ATP2C1: variants seen among roughly 807,000 people sequenced by gnomAD.
The protein encoded by ATP2C1 is ATPase secretory pathway Ca2+ transporting 1, also known as calcium-transporting ATPase type 2C member 1.
ATP2C1 carries 31 observed loss-of-function variants against 120.5 expected under a neutral mutation model. The ratio of observed to expected loss-of-function variants is 0.26; its 90% CI spans 0.19 to 0.35. The LOEUF is 0.35. Ranked by LOEUF, ATP2C1 falls within the 10% of genes least tolerant of loss-of-function variation. The pLI is 1.00. For missense variants in ATP2C1, 731 were observed against 1,107.5 expected, an observed-to-expected ratio of 0.66 and a Z score of 4.83; for synonymous variants, 351 against 358.7, an observed-to-expected ratio of 0.98 and a Z score of 0.24.
At chr3:130,975,215 T>G in intron 17 of ATP2C1, 117 bp from the exon 18 acceptor site, 1 of 1,021,488 alleles carries the variant, frequency 9.8e-7, no homozygotes, top group East Asian at 2.4e-5. Context: ...GTCAAAACCT[T>G]AGGCTTGAGT....
chr3:130,987,903 T>C (rs1239473774), intron 20 of ATP2C1, among the ~76,000 whole-genome samples: 1 of 152,252 alleles, frequency 6.6e-6, no homozygotes, highest in Non-Finnish European at 1.5e-5. Flanking sequence ...TTGCTTGTTA[T>C]TAAGTCATCT....
At chr3:130,873,167 A>T (rs2068489447) in intron 1 of ATP2C1, among the ~76,000 whole-genome samples, 1 of 152,226 alleles carries the variant, frequency 6.6e-6, no homozygotes, top group South Asian at 2.1e-4. Flanking sequence ...AATTTAACAA[A>T]CAAAATGATA....
chr3:131,000,237 A>G (rs1326992064), intron 27 of ATP2C1, among the ~76,000 whole-genome samples: 1 of 152,194 alleles, frequency 6.6e-6, no homozygotes, highest in East Asian at 1.9e-4. Context: ...ATTTGACAGT[A>G]ATGCTATCCT....
chr3:130,860,320 A>G (rs907242997), intron 1 of ATP2C1, among the ~76,000 whole-genome samples: 2 of 152,214 alleles, frequency 1.3e-5, no homozygotes, highest in African/African-American at 4.8e-5. Context: ...AAATACCCAC[A>G]TATGTTGTAC....
intron 2 of ATP2C1, chr3:130,929,950 G>A (rs1054618859): frequency 2.8e-5 from 7 of 249,920 alleles, no homozygotes; most frequent in African/African-American, 9.3e-5. Flanking sequence ...GTCATGGTGC[G>A]TTGAAAGAGT....
intron 26 of ATP2C1, among the ~76,000 whole-genome samples, chr3:131,011,043 C>T (rs771878506): frequency 6.6e-6 from 1 of 152,096 alleles, no homozygotes; most frequent in African/African-American, 2.4e-5. Context: ...GCAAGTAGGG[C>T]AACTGAGGCA....
chr3:130,997,505 A>G, intron 24 of ATP2C1, 101 bp from the exon 25 acceptor site: 1 of 1,095,952 alleles, frequency 9.1e-7, no homozygotes, highest in South Asian at 1.3e-5. Flanking sequence ...TCTATAAGAA[A>G]GCATTTAGTT....
At chr3:130,892,846 T>C (rs558470206), upstream of ATP2C1, among the ~76,000 whole-genome samples, 1 of 152,306 alleles carries the variant, frequency 6.6e-6, no homozygotes, top group East Asian at 1.9e-4. Flanking sequence ...CCTAGTCTAG[T>C]ACCACTTACT....
At chr3:130,873,857 A>G (rs1459822191) in intron 1 of ATP2C1, among the ~76,000 whole-genome samples, 2 of 152,198 alleles carry the variant, frequency 1.3e-5, no homozygotes, top group East Asian at 3.8e-4. Context: ...CACCCCTGTA[A>G]TCCCAGCACT....
Position 130,993,963 on chromosome 3 carries a change from T to C in ATP2C1, c.1922T>C (p.Met641Thr). Residue 641 changes from methionine (M) to threonine (T), a missense_variant, in exon 22 of 28, where the codon ATG (methionine) becomes ACG (threonine). Around this residue, in one of 3 missense-constraint regions of ATP2C1, gnomAD observed 571 missense variants for 845.9 expected, o/e 0.67. Coordinates refer to ENST00000510168, the MANE Select transcript of ATP2C1 (RefSeq NM_001378687.1). ...CAGAAGAACGGTTCAGTTGTAGCCATGACAGGAGATGGAGTAAATGATGCA... is the reference window on the plus strand; with the variant it reads ...CAGAAGAACGGTTCAGTTGTAGCCACGACAGGAGATGGAGTAAATGATGCA... ...SLQKNGSVVA[M>T]TGDGVNDAVA... is the part of the protein sequence containing the mutation. The C allele has an allele frequency of 6.2e-7, 1 of 1,614,176 alleles. No individual in the cohort carries two copies. Among genetic ancestry groups the C allele is most frequent in the Non-Finnish European group, 8.5e-7 (1 of 1,180,010 alleles).
chr3:130,957,592 G>A (rs955498352), intron 11 of ATP2C1, among the ~76,000 whole-genome samples: 3 of 152,064 alleles, frequency 2.0e-5, no homozygotes, highest in Admixed American at 1.3e-4. Context: ...TGTTGCTCAG[G>A]CTGAAGTGCA....
At chr3:130,852,742 T>C (rs999986784) in intron 1 of ATP2C1, among the ~76,000 whole-genome samples, 1 of 152,350 alleles carries the variant, frequency 6.6e-6, no homozygotes, top group African/African-American at 2.4e-5. Flanking sequence ...AGGTTAATAA[T>C]GTCTACAATC....
intron 22 of ATP2C1, among the ~76,000 whole-genome samples, chr3:130,994,693 C>T (rs923670637): frequency 6.6e-5 from 10 of 151,932 alleles, no homozygotes; most frequent in African/African-American, 2.4e-4. Context: ...TGTTGGATGA[C>T]CTGAGTTTAG....
chr3:130,955,978 A>G lies in ATP2C1; in HGVS notation c.757-126A>G, dbSNP rs185522900. ...GTTTTCTCAGTGAAGGTGATTATTT[A>G]CCTTATGGGAGAGTTGTATGGTTAA... is the stretch of plus-strand genomic sequence containing the variant. On this transcript the variant is annotated intron_variant, in intron 10 of 27. Transcript: ENST00000510168. 1.0e-5 allele frequency: 7 copies of G among 701,384 alleles called. No homozygotes were observed. The East Asian group carries it at 1.6e-4, about 16-fold the overall frequency. The allele number at this position is 701,384 out of a possible 1,614,324, so 43.4% of individuals were successfully genotyped here. A position where few individuals can be genotyped will look rare whatever the true frequency, so the allele number is the denominator to read the frequency against.
intron 20 of ATP2C1, among the ~76,000 whole-genome samples, chr3:130,982,730 A>T (rs1170916377): frequency 6.6e-6 from 1 of 152,138 alleles, no homozygotes; most frequent in Admixed American, 6.6e-5. Flanking sequence ...ATTTTCTTAA[A>T]TTGTTTCTGC....
In ATP2C1 at chr3:130,894,683, C is replaced by G; in HGVS notation, c.-87C>G. On this transcript the variant is annotated 5_prime_UTR_variant, in exon 2 of 28. Coordinates refer to ENST00000510168, the MANE Select transcript of ATP2C1 (RefSeq NM_001378687.1). This position sits in a 1 kb window ranked among gnomAD's most constrained non-coding sequence, Gnocchi z 4.5. ...ATTCCGGGGGCTTCTCTTCCTTGTC[C>G]TCCTCCTCTCCTCTCTATTCCCAGT... 2 of 1,613,618 alleles carry G rather than the reference C, an allele frequency of 1.2e-6. No homozygotes were observed. The highest frequency in any genetic ancestry group is 1.1e-5 in the South Asian group (1 of 91,040).
chr3:130,880,772 T>C (rs1416741648), intron 1 of ATP2C1, among the ~76,000 whole-genome samples: 1 of 152,222 alleles, frequency 6.6e-6, no homozygotes, highest in Admixed American at 6.5e-5. Flanking sequence ...AGTGGTCTGT[T>C]TGGATGATTG....
chr3:131,014,443 T>G (rs2063492055), intron 26 of ATP2C1: 1 of 1,486,696 alleles, frequency 6.7e-7, no homozygotes, highest in African/African-American at 1.4e-5. Context: ...TGCAACAGGA[T>G]AACTACCATT....
chr3:130,993,137 A>G (rs964618677), intron 21 of ATP2C1, 136 bp downstream of exon 21: 4 of 678,772 alleles, frequency 5.9e-6, no homozygotes, highest in Non-Finnish European at 1.0e-5. Flanking sequence ...TTTTTTTTGT[A>G]AGAGCTTGAC....
Sources: gnomAD v4.1 joint callset for allele counts (sites outside exome capture counted in the v4.1 genomes callset) on GRCh38, gnomAD v4.1.1 for gene constraint, gnomAD v4.1.1 regional missense constraint, Gnocchi (gnomAD v3.1) non-coding constraint, MANE v1.5 for transcripts, NCBI Gene and HGNC (gene_info 2026-07-23, HGNC 2026-07-21) for gene names.